The following SESN3 variants were observed in gnomAD, a reference collection of about 807,000 sequenced individuals.
SESN3 encodes the protein sestrin-3.
Under a neutral mutation model 55.3 loss-of-function variants are expected in SESN3, and 21 were observed. The observed-to-expected ratio is 0.38, with a 90% confidence interval of 0.27 to 0.55. SESN3 has a LOEUF of 0.55. SESN3 is among the 20% of genes least tolerant of loss of function. The pLI is 0.76. For missense variants in SESN3, 408 were observed against 604.3 expected (o/e 0.68, Z 3.41); for synonymous variants, 181 against 203.1 (o/e 0.89, Z 0.93).
At chr11:95,204,329 C>T (rs1860509404) in intron 1 of SESN3, among the ~76,000 whole-genome samples, 1 of 151,960 alleles carries the variant, frequency 6.6e-6, no homozygotes, top group South Asian at 2.1e-4. Flanking sequence ...ATTATTACAA[C>T]AAAGTTTTTG....
At chr11:95,213,856 A>G (rs1860703706) in intron 1 of SESN3, among the ~76,000 whole-genome samples, 1 of 152,172 alleles carries the variant, frequency 6.6e-6, no homozygotes, top group Admixed American at 6.5e-5. Context: ...TCTGAAGATA[A>G]TAATTATCAT....
chr11:95,187,797 A>G (rs1465114904), intron 4 of SESN3, among the ~76,000 whole-genome samples: 1 of 151,868 alleles, frequency 6.6e-6, no homozygotes, highest in African/African-American at 2.4e-5. Context: ...CTTGAGTTAC[A>G]GACCTGTATT....
intron 8 of SESN3, among the ~76,000 whole-genome samples, chr11:95,175,952 A>G (rs973744027): frequency 6.6e-5 from 10 of 152,216 alleles, no homozygotes; most frequent in African/African-American, 9.6e-5. Flanking sequence ...AGGAAATGGA[A>G]CTTGGTCTGG....
Position 95,230,761 on chromosome 11 carries a change from G to A in SESN3, c.78+22C>T. Reference sequence around the variant, plus strand: ...CGGCAGGAAGCGACCCTCGCCGGCAGGACCCCGGGCCGAACCCGTACCTTC... The same window carrying A: ...CGGCAGGAAGCGACCCTCGCCGGCAAGACCCCGGGCCGAACCCGTACCTTC... On this transcript the variant is annotated intron_variant, in intron 1 of 9. Coordinates refer to ENST00000536441, the MANE Select transcript of SESN3 (RefSeq NM_144665.4). This position sits in a 1 kb window ranked among gnomAD's most constrained non-coding sequence, Gnocchi z 4.6. 1.3e-6 allele frequency: 2 copies of A among 1,596,364 alleles called. No individual in the cohort carries two copies. Among genetic ancestry groups the A allele is most frequent in the Non-Finnish European group, 1.7e-6 (2 of 1,170,314 alleles).
chr11:95,231,082 T>C lies in SESN3; in HGVS notation c.-222A>G, dbSNP rs570938000. 375 of 416,538 alleles carry C rather than the reference T, an allele frequency of 9.0e-4. 1 individual carries two copies. Among genetic ancestry groups the C allele is most frequent in the Middle Eastern group, 5.4e-3 (9 of 1,664 alleles). The allele number at this position is 416,538 out of a possible 1,614,324, so 25.8% of individuals were successfully genotyped here. Reference sequence around the variant, plus strand: ...CAGCGACGGCGGAGACGGCGGCGGCTGCTCCTCACCGGCCCGTTGTTCCAC... The same window carrying C: ...CAGCGACGGCGGAGACGGCGGCGGCCGCTCCTCACCGGCCCGTTGTTCCAC... On this transcript the variant is annotated 5_prime_UTR_variant, in exon 1 of 10. Coordinates refer to ENST00000536441, the MANE Select transcript of SESN3 (RefSeq NM_144665.4).
upstream of SESN3, chr11:95,231,405 G>C (rs1408614882): frequency 8.5e-6 from 3 of 351,598 alleles, no homozygotes; most frequent in Non-Finnish European, 1.5e-5. Context: ...TATCTCCGAG[G>C]CTCGGAACTG....
chr11:95,173,260 T>C lies in SESN3; in HGVS notation c.1474A>G (p.Thr492Ala). ...CATTTTCCTTGGGTGATACTTCAGGTCAAATGCCGAGTTATGGCACGAAGA... is the reference window on the plus strand; with the variant it reads ...CATTTTCCTTGGGTGATACTTCAGGCCAAATGCCGAGTTATGGCACGAAGA... ...YALRAITRHL[T>A] Residue 492 changes from threonine (T) to alanine (A), a missense_variant, in exon 10 of 10, where the codon ACC (threonine) becomes GCC (alanine). Physicochemically the swap from Thr to Ala is moderately conservative, Grantham distance 58 (BLOSUM62 0). This residue lies in a region of SESN3 where 121 missense variants were observed against 204.9 expected (regional missense o/e 0.59). Coordinates refer to ENST00000536441, the MANE Select transcript of SESN3 (RefSeq NM_144665.4). 1 of 1,568,690 alleles carries C rather than the reference T, an allele frequency of 6.4e-7. No individual in the cohort carries two copies.
Position 95,167,273 on chromosome 11 carries a change from G to A in SESN3, c.*5982C>T, listed in dbSNP as rs1292185013. 2 of 152,058 alleles carry A rather than the reference G, an allele frequency of 1.3e-5. No homozygotes were observed. Among genetic ancestry groups the A allele is most frequent in the African/African-American group, 4.8e-5 (2 of 41,394 alleles). The allele number at this position is 152,058 out of a possible 1,614,324, so 9.4% of individuals were successfully genotyped here. The stretch of plus-strand genomic sequence containing the variant: ...TTTTTTTAAGAGGTTAACTTGAGGG[G>A]TGCAAGAAAATAGACTGTTCTAGCA... On this transcript the variant is annotated 3_prime_UTR_variant, in exon 10 of 10. Coordinates refer to ENST00000536441, the MANE Select transcript of SESN3 (RefSeq NM_144665.4).
intron 6 of SESN3, chr11:95,182,138 C>A (rs894200192): frequency 4.9e-5 from 16 of 324,918 alleles, no homozygotes; most frequent in African/African-American, 6.8e-5. Context: ...AAGGTAGAGA[C>A]TGAAATCCAA....
At chr11:95,192,681 A>G (rs995808483) in intron 2 of SESN3, among the ~76,000 whole-genome samples, 2 of 152,124 alleles carry the variant, frequency 1.3e-5, no homozygotes, top group African/African-American at 4.8e-5. Flanking sequence ...ATTTAATCCC[A>G]AAGGAAACAT....
intron 1 of SESN3, among the ~76,000 whole-genome samples, chr11:95,218,854 G>C (rs139334473): frequency 2.6e-5 from 4 of 152,172 alleles, no homozygotes; most frequent in Admixed American, 2.6e-4. Context: ...GGGTTTTACC[G>C]TGTTAGCCAG....
intron 1 of SESN3, among the ~76,000 whole-genome samples, chr11:95,210,695 G>A (rs555205154): frequency 6.6e-6 from 1 of 152,230 alleles, no homozygotes; most frequent in African/African-American, 2.4e-5. Context: ...CTTAAGCATA[G>A]CTCTTATTAA....
intron 6 of SESN3, among the ~76,000 whole-genome samples, chr11:95,181,606 G>C (rs886084289): frequency 1.3e-5 from 2 of 152,026 alleles, no homozygotes; most frequent in African/African-American, 2.4e-5. Context: ...TGCAGTAATG[G>C]AATGCGTAAC....
At chr11:95,205,285 A>G (rs1860527699) in intron 1 of SESN3, among the ~76,000 whole-genome samples, 1 of 152,098 alleles carries the variant, frequency 6.6e-6, no homozygotes, top group African/African-American at 2.4e-5. Flanking sequence ...TAAAATAATT[A>G]TATTTGTCTT....
chr11:95,215,279 T>G (rs2134260034), intron 1 of SESN3, among the ~76,000 whole-genome samples: 1 of 148,102 alleles, frequency 6.8e-6, no homozygotes. Context: ...GGGGTAATAA[T>G]CTAACAAACT....
At chr11:95,189,686 A>T in intron 4 of SESN3, 93 bp downstream of exon 4, 1 of 806,150 alleles carries the variant, frequency 1.2e-6, no homozygotes, top group Non-Finnish European at 1.9e-6. Flanking sequence ...ACATACTAAG[A>T]CACTATTATT....
chr11:95,227,721 C>A (rs1860973718), intron 1 of SESN3, among the ~76,000 whole-genome samples: 1 of 152,184 alleles, frequency 6.6e-6, no homozygotes, highest in South Asian at 2.1e-4. Context: ...ACCCAAAGTA[C>A]ATTGGAATAT....
rs199780286 is a variant in SESN3, at chr11:95,191,376, A to G, written c.342+28T>C. The G allele has an allele frequency of 1.8e-5, 27 of 1,516,216 alleles. No homozygotes were observed. In the African/African-American group the frequency reaches 3.4e-4, roughly 19 times the overall value. 93.9% of individuals were successfully genotyped at this position (1,516,216 alleles called of 1,614,324 possible). The stretch of plus-strand genomic sequence containing the variant: ...AGAAAGAATAAGTGAGGAAGGTGTT[A>G]TGTGAACATAGGAAAATAAGCACCC... On this transcript the variant is annotated intron_variant, in intron 3 of 9. Transcript: ENST00000536441.
intron 2 of SESN3, among the ~76,000 whole-genome samples, chr11:95,193,068 A>G (rs188442049): frequency 1.3e-3 from 204 of 152,254 alleles, no homozygotes; most frequent in African/African-American, 4.7e-3. Context: ...GAAAATAGGC[A>G]TAAGCAGGAT....
Sources: gnomAD v4.1 joint callset for allele counts (sites outside exome capture counted in the v4.1 genomes callset) on GRCh38, gnomAD v4.1.1 for gene constraint, gnomAD v4.1.1 regional missense constraint, Gnocchi (gnomAD v3.1) non-coding constraint, MANE v1.5 for transcripts, NCBI Gene and HGNC (gene_info 2026-07-23, HGNC 2026-07-21) for gene names.